Variants in APBB2 observed in about 807,000 individuals in gnomAD.
APBB2 encodes Fe65-like 1.
In APBB2, 38 loss-of-function variants were observed where a neutral mutation model predicts 82.5. The observed-to-expected ratio is 0.46, with a 90% CI of 0.36 to 0.60. The LOEUF is 0.60. Among genes scored for constraint, APBB2 ranks in the 20% least tolerant of loss-of-function variants. APBB2 has a pLI of 0.00. For missense variants in APBB2, 772 were observed against 972.3 expected (o/e 0.79, Z 2.74); for synonymous variants, 341 against 368.2 (o/e 0.93, Z 0.85).
At chr4:40,904,881 T>C (rs758568376) in intron 10 of APBB2, among the ~76,000 whole-genome samples, 38 of 152,190 alleles carry the variant, frequency 2.5e-4, no homozygotes, top group Non-Finnish European at 4.4e-4. Context: ...AGAGCATTTC[T>C]ACACTGGTCC....
At chr4:40,952,971 G>C (rs953732838) in intron 6 of APBB2, among the ~76,000 whole-genome samples, 3 of 152,072 alleles carry the variant, frequency 2.0e-5, no homozygotes, top group Admixed American at 1.3e-4. Context: ...TGGGTTTACA[G>C]CCAAAAAGGT....
chr4:40,837,182 G>A (rs546919149), intron 12 of APBB2, among the ~76,000 whole-genome samples: 1 of 152,380 alleles, frequency 6.6e-6, no homozygotes, highest in African/African-American at 2.4e-5. Flanking sequence ...GTGGGCTGGG[G>A]AGGAAAGAGT....
chr4:41,169,690 C>G (rs1767711651), intron 1 of APBB2, among the ~76,000 whole-genome samples: 1 of 152,196 alleles, frequency 6.6e-6, no homozygotes, highest in Non-Finnish European at 1.5e-5. Flanking sequence ...TAAAATCGTT[C>G]TTCTAAAATG....
chr4:41,040,488 C>T (rs998859621), intron 4 of APBB2, among the ~76,000 whole-genome samples: 1 of 152,044 alleles, frequency 6.6e-6, no homozygotes, highest in African/African-American at 2.4e-5. Flanking sequence ...CTCCAGCAAC[C>T]CTATGAAAAA....
intron 12 of APBB2, among the ~76,000 whole-genome samples, chr4:40,853,386 C>T (rs1326291093): frequency 6.6e-6 from 1 of 152,152 alleles, no homozygotes; most frequent in African/African-American, 2.4e-5. Flanking sequence ...CCCACCTCTT[C>T]CAGCACAAAC....
Position 40,984,716 on chromosome 4 carries a change from G to C in APBB2, c.835+28867C>G, listed in dbSNP as rs141133240. ...CTGCCCAGACAAAGCTGGGAATTCAGTGCATTGCTTATTCTTATTTATTTA... is the reference window on the plus strand; with the variant it reads ...CTGCCCAGACAAAGCTGGGAATTCACTGCATTGCTTATTCTTATTTATTTA... On this transcript the variant is annotated intron_variant, in intron 6 of 17. Coordinates refer to ENST00000508593, the MANE Select transcript of APBB2 (RefSeq NM_004307.2). 2.6e-4 allele frequency among the ~76,000 whole-genome samples: 40 copies of C among 152,270 alleles called. No individual in the cohort carries two copies. In the East Asian group the frequency reaches 6.6e-3, roughly 25 times the overall value.
At chr4:41,097,096 T>C (rs186749361) in intron 3 of APBB2, among the ~76,000 whole-genome samples, 30 of 152,366 alleles carry the variant, frequency 2.0e-4, no homozygotes, top group Non-Finnish European at 2.8e-4. Flanking sequence ...CATCATTTCA[T>C]CTGAGCTATT....
intron 1 of APBB2, among the ~76,000 whole-genome samples, chr4:41,196,028 C>G: frequency 1.3e-5 from 2 of 151,648 alleles, no homozygotes; most frequent in East Asian, 1.9e-4. Context: ...GGTGTGGTGG[C>G]GGCGCCTGTA....
In APBB2 at chr4:41,031,169, G is replaced by A. The variant is rs1353967550; in HGVS notation, c.19+2067C>T. On this transcript the variant is annotated intron_variant, in intron 5 of 17. Coordinates refer to ENST00000508593, the MANE Select transcript of APBB2 (RefSeq NM_004307.2). ...GAACCTGGGAGGCAAAGGTTGCAGT[G>A]AACCAAGATTGTGCCACTGCACTCC... 3.9e-5 allele frequency among the ~76,000 whole-genome samples: 6 copies of A among 152,170 alleles called. No individual in the cohort carries two copies. In the East Asian group the frequency reaches 1.2e-3, roughly 29 times the overall value.
rs553092395 is a variant in APBB2, at chr4:40,898,036, G to A, written c.1255-4625C>T. Among the ~76,000 whole-genome samples, 29 of 152,298 alleles carry A rather than the reference G, an allele frequency of 1.9e-4. No homozygotes were observed. In the South Asian group the frequency reaches 2.7e-3, roughly 14 times the overall value. On this transcript the variant is annotated intron_variant, in intron 10 of 17. Coordinates refer to ENST00000508593, the MANE Select transcript of APBB2 (RefSeq NM_004307.2). ...AAGAGTAATGGTTCAGGGTAGAACC[G>A]TGTCATCAGAGGAGTCTGGATTCAA...
rs545314610 is a variant in APBB2, at chr4:40,886,142, C to T, written c.1529+4222G>A. ...CCAGAAGATAAGCCTCCATCAACCA[C>T]GAGGCAAGAGGGGAGTCCCTGTTCC... On this transcript the variant is annotated intron_variant, in intron 12 of 17. Coordinates refer to ENST00000508593, the MANE Select transcript of APBB2 (RefSeq NM_004307.2). Among the ~76,000 whole-genome samples, 7 of 152,274 alleles carry T rather than the reference C, an allele frequency of 4.6e-5. No homozygotes were observed. In the East Asian group the frequency reaches 5.8e-4, roughly 13 times the overall value.
rs1731425762 is a variant in APBB2 at position 41,065,558 on chromosome 4, G to C, written c.-51+18C>G. ...ATTAAAGAGAAAAAAGCAAGAGAGA[G>C]ACTGATCCCATACATACATGAGCTG... On this transcript the variant is annotated intron_variant, in intron 4 of 17. Coordinates refer to ENST00000508593, the MANE Select transcript of APBB2 (RefSeq NM_004307.2). 6.6e-6 allele frequency: 1 copy of C among 152,096 alleles called. No homozygotes were observed. Among genetic ancestry groups the C allele is most frequent in the Non-Finnish European group, 1.5e-5 (1 of 68,026 alleles). 9.4% of individuals were successfully genotyped at this position (152,096 alleles called of 1,614,324 possible).
chr4:40,930,448 T>TGCGC (rs1174752964), intron 10 of APBB2, among the ~76,000 whole-genome samples: 23 of 66,550 alleles, frequency 3.5e-4, no homozygotes, highest in African/African-American at 1.2e-3. Context: ...TGTGTGTGTG[T>TGCGC]GCGCGCGCGC....
chr4:41,112,761 G>A (rs1322569256), intron 2 of APBB2, among the ~76,000 whole-genome samples: 3 of 152,122 alleles, frequency 2.0e-5, no homozygotes, highest in African/African-American at 7.2e-5. Flanking sequence ...AGGCCAAGGC[G>A]GGTGGATCAT....
chr4:40,917,504 G>A (rs1780147628), intron 10 of APBB2, among the ~76,000 whole-genome samples: 1 of 152,102 alleles, frequency 6.6e-6, no homozygotes, highest in Admixed American at 6.5e-5. Context: ...CAATACCTAG[G>A]TAAGTGCTAA....
At chr4:41,096,143 T>C (rs1298958058) in intron 3 of APBB2, among the ~76,000 whole-genome samples, 1 of 152,226 alleles carries the variant, frequency 6.6e-6, no homozygotes, top group Non-Finnish European at 1.5e-5. Context: ...GCAGTGAACA[T>C]ACTTCCTGAT....
intron 6 of APBB2, among the ~76,000 whole-genome samples, chr4:40,957,863 C>T (rs1041418489): frequency 1.2e-4 from 18 of 152,142 alleles, no homozygotes; most frequent in African/African-American, 4.3e-4. Context: ...GGATTACAGG[C>T]ATGAGCCACC....
chr4:41,040,041 T>A (rs1037587671), intron 4 of APBB2, among the ~76,000 whole-genome samples: 1 of 152,068 alleles, frequency 6.6e-6, no homozygotes, highest in African/African-American at 2.4e-5. Flanking sequence ...TGATTTCTTG[T>A]GAAAACGTTC....
chr4:40,951,774 A>C (rs1790245113), intron 6 of APBB2, among the ~76,000 whole-genome samples: 1 of 152,222 alleles, frequency 6.6e-6, no homozygotes, highest in Non-Finnish European at 1.5e-5. Flanking sequence ...CCATCACTAG[A>C]AATTGGAGGT....
Sources: gnomAD v4.1 joint callset for allele counts (sites outside exome capture counted in the v4.1 genomes callset) on GRCh38, gnomAD v4.1.1 for gene constraint, MANE v1.5 for transcripts, NCBI Gene and HGNC (gene_info 2026-07-23, HGNC 2026-07-21) for gene names.